Variants in ATP10A observed in about 807,000 individuals in gnomAD.
ATP10A encodes ATPase phospholipid transporting 10A (putative).
ATP10A carries 111 observed loss-of-function variants against 147.8 expected under a neutral mutation model. The ratio of observed to expected loss-of-function variants is 0.75; its 90% CI spans 0.64 to 0.88. ATP10A has a LOEUF of 0.88. Among genes scored for constraint, ATP10A ranks in the 40% least tolerant of loss-of-function variants. The pLI is 0.00. For missense variants in ATP10A, 1,927 were observed against 1,959.0 expected, an observed-to-expected ratio of 0.98 and a Z score of 0.31; for synonymous variants, 875 against 841.6, an observed-to-expected ratio of 1.04 and a Z score of -0.69.
intron 1 of ATP10A, among the ~76,000 whole-genome samples, chr15:25,801,954 G>A (rs942190642): frequency 6.6e-6 from 1 of 152,168 alleles, no homozygotes; most frequent in Non-Finnish European, 1.5e-5. Flanking sequence ...TTCCAGAGCC[G>A]AGGATCTCAT....
chr15:25,848,256 C>T (rs185184596), intron 1 of ATP10A, among the ~76,000 whole-genome samples: 1 of 152,240 alleles, frequency 6.6e-6, no homozygotes, highest in Admixed American at 6.5e-5. Flanking sequence ...ATTATGACAA[C>T]TTGGTGGCTT....
chr15:25,825,633 C>G (rs1892082107), intron 1 of ATP10A, among the ~76,000 whole-genome samples: 1 of 152,154 alleles, frequency 6.6e-6, no homozygotes, highest in African/African-American at 2.4e-5. Flanking sequence ...CAGTGGCTAC[C>G]ACAGGACAAA....
At chr15:25,773,085 C>T (rs7165728) in intron 2 of ATP10A, among the ~76,000 whole-genome samples, 120,471 of 152,086 alleles carry the variant, frequency 0.79, 47,777 homozygotes, top group South Asian at 0.83. Flanking sequence ...AATAGTGTTT[C>T]CTGAAGTCGA....
chr15:25,707,098 G>A (rs1301109952), intron 12 of ATP10A, among the ~76,000 whole-genome samples: 1 of 152,174 alleles, frequency 6.6e-6, no homozygotes, highest in East Asian at 1.9e-4. Context: ...GATTCTGTGG[G>A]CAAACAATAT....
At chr15:25,682,643 C>T (rs1899487141) in intron 17 of ATP10A, among the ~76,000 whole-genome samples, 1 of 152,246 alleles carries the variant, frequency 6.6e-6, no homozygotes, top group South Asian at 2.1e-4. Flanking sequence ...CCCTTCGCCT[C>T]CTGGCACCCC....
rs368930807 is a variant in ATP10A at position 25,726,087 on chromosome 15, C to A, written c.848-5G>T. The A allele has an allele frequency of 1.9e-6, 3 of 1,612,844 alleles. No individual in the cohort carries two copies. Among genetic ancestry groups the A allele is most frequent in the Admixed American group, 1.7e-5 (1 of 59,980 alleles). ...GCAGAGCCTTGGTTTCATGTCCTGT[C>A]GGGGAGGACAAAGAGACATGGCAAG... On this transcript the variant is annotated splice_region_variant and splice_polypyrimidine_tract_variant and intron_variant, in intron 4 of 20. Coordinates refer to ENST00000555815, the MANE Select transcript of ATP10A (RefSeq NM_024490.4).
intron 1 of ATP10A, among the ~76,000 whole-genome samples, chr15:25,840,781 C>A (rs552534424): frequency 3.9e-5 from 6 of 152,036 alleles, no homozygotes; most frequent in African/African-American, 1.4e-4. Flanking sequence ...TAGGAGAGAT[C>A]CCATTTCTCA....
chr15:25,717,015 T>C (rs527551664), intron 8 of ATP10A, 91 bp from the exon 9 acceptor site: 6 of 1,079,106 alleles, frequency 5.6e-6, no homozygotes, highest in Admixed American at 6.3e-5. Flanking sequence ...GATTTTATTA[T>C]AAGCTGTAAA....
intron 2 of ATP10A, among the ~76,000 whole-genome samples, chr15:25,778,444 A>C (rs1567376904): frequency 1.3e-5 from 2 of 152,028 alleles, no homozygotes; most frequent in Non-Finnish European, 2.9e-5. Flanking sequence ...AATATAATGC[A>C]TAAATGGGAA....
chr15:25,753,142 C>T (rs1037992369), intron 2 of ATP10A, among the ~76,000 whole-genome samples: 14 of 152,134 alleles, frequency 9.2e-5, no homozygotes, highest in Non-Finnish European at 1.6e-4. Context: ...GTATAATATT[C>T]CATTACTAAC....
At chr15:25,840,649 T>C (rs1892773684) in intron 1 of ATP10A, among the ~76,000 whole-genome samples, 1 of 152,218 alleles carries the variant, frequency 6.6e-6, no homozygotes, top group Admixed American at 6.5e-5. Context: ...TGAATGTAAG[T>C]TCTCATTTAT....
chr15:25,680,284 C>T lies in ATP10A; in HGVS notation c.3703G>A (p.Gly1235Ser). ...TWTWLNWITC[G>S]FSVLLFFTVA... ...GTGAAAAACAAAAGGACACTGAAGC[C>T]ACACGTTATCCAGTTGAGCCAGGTC... is the stretch of plus-strand genomic sequence containing the variant. The change falls in exon 20 of 21, where the codon GGC (glycine) becomes AGC (serine). Residue 1235 changes from glycine (G) to serine (S), a missense_variant. Physicochemically the swap from Gly to Ser is moderately conservative, Grantham distance 56. Transcript: ENST00000555815. The T allele has an allele frequency of 1.2e-6, 2 of 1,614,164 alleles. No homozygotes were observed. Among genetic ancestry groups the T allele is most frequent in the South Asian group, 1.1e-5 (1 of 91,086 alleles).
chr15:25,726,773 C>T (rs903429688), intron 4 of ATP10A, among the ~76,000 whole-genome samples: 8 of 149,024 alleles, frequency 5.4e-5, no homozygotes, highest in African/African-American at 1.5e-4. Context: ...TGAGGGAGGC[C>T]GGGCACGGTG....
At chr15:25,856,870 T>C (rs983885782) in intron 1 of ATP10A, among the ~76,000 whole-genome samples, 5 of 151,992 alleles carry the variant, frequency 3.3e-5, no homozygotes, top group African/African-American at 1.2e-4. Context: ...AAAAAAAACA[T>C]GTTACCTGAA....
At chr15:25,751,152 A>T (rs911749529) in intron 2 of ATP10A, among the ~76,000 whole-genome samples, 4 of 152,164 alleles carry the variant, frequency 2.6e-5, no homozygotes, top group Non-Finnish European at 5.9e-5. Context: ...AACTAGTCAA[A>T]AGAAAGCTAA....
chr15:25,739,231 G>T (rs905791649), intron 2 of ATP10A, among the ~76,000 whole-genome samples: 2 of 152,034 alleles, frequency 1.3e-5, no homozygotes, highest in Non-Finnish European at 2.9e-5. Flanking sequence ...CACTGCACTC[G>T]GCCTTAATTG....
chr15:25,859,957 T>G (rs1378555164), intron 1 of ATP10A, among the ~76,000 whole-genome samples: 1 of 152,144 alleles, frequency 6.6e-6, no homozygotes, highest in Non-Finnish European at 1.5e-5. Context: ...GACACTCCTA[T>G]GCACAGCAGC....
intron 3 of ATP10A, among the ~76,000 whole-genome samples, chr15:25,728,856 G>T (rs978543455): frequency 1.3e-5 from 2 of 152,174 alleles, no homozygotes; most frequent in African/African-American, 4.8e-5. Flanking sequence ...AAGGAAGAGC[G>T]AATGCGAGGG....
chr15:25,679,833 G>C lies in ATP10A; in HGVS notation c.4008C>G (p.Thr1336=). 2 of 1,611,646 alleles carry C rather than the reference G, an allele frequency of 1.2e-6. No individual in the cohort carries two copies. The highest frequency in any genetic ancestry group is 1.7e-6 in the Non-Finnish European group (2 of 1,179,926). The change falls in exon 21 of 21, where the codon ACC becomes ACG. Residue 1336 remains threonine, a synonymous_variant. Transcript: ENST00000555815. The part of the protein sequence containing the change: ...AQGRLPKDSG[T]EHSSGRTVKT... ...TGACTGTCCTCCCTGATGAGTGCTC[G>C]GTTCCCGAGTCCTTCGGGAGGCGTC...
Sources: gnomAD v4.1 joint callset for allele counts (sites outside exome capture counted in the v4.1 genomes callset) on GRCh38, gnomAD v4.1.1 for gene constraint, MANE v1.5 for transcripts, NCBI Gene and HGNC (gene_info 2026-07-23, HGNC 2026-07-21) for gene names.